Variants in DDX52 observed in about 807,000 individuals in gnomAD.
DDX52 encodes DExD-box helicase 52.
A neutral mutation model predicts 76.1 loss-of-function variants in DDX52; 59 were observed. The observed-to-expected ratio is 0.78, with a 90% CI of 0.63 to 0.96. DDX52 has a LOEUF of 0.96. Ranked by LOEUF, DDX52 falls within the 40% of genes least tolerant of loss-of-function variation. The probability of loss-of-function intolerance (pLI) is 0.00; values close to 1 mark genes in which losing one functional copy is unlikely to be tolerated. For synonymous variants in DDX52, 231 were observed against 244.1 expected, an observed-to-expected ratio of 0.95 and a Z score of 0.50; for missense variants, 707 against 703.9, an observed-to-expected ratio of 1.00 and a Z score of -0.05.
intron 9 of DDX52, chr17:37,624,039 T>C (rs945241192): frequency 1.6e-5 from 3 of 184,014 alleles, no homozygotes; most frequent in Admixed American, 6.1e-5. Context: ...GGGCATCAGA[T>C]AGATCGTTTC....
intron 6 of DDX52, among the ~76,000 whole-genome samples, chr17:37,627,097 C>T (rs115043801): frequency 0.011 from 1,709 of 152,352 alleles, 27 homozygotes; most frequent in African/African-American, 0.039. Flanking sequence ...GTGATCATAG[C>T]TCACTGCATG....
At position 37,618,382 on chromosome 17, in the gene DDX52, T is replaced by C. The variant is rs757647306; in HGVS notation, c.1652A>G (p.Lys551Arg). Residue 551 changes from lysine (K) to arginine (R), a missense_variant and splice_region_variant, in exon 14 of 15, where the codon AAA becomes AGA. Coordinates refer to ENST00000617633, the MANE Select transcript of DDX52 (RefSeq NM_007010.5). ...TTTCTTAATCATCTTTTTCTTTTGT[T>C]TGCTGAAAGTTACAAAGTAAAAAAG... Reference protein sequence around the residue: ...YIKGFQKLLSKQKKKMIKKPL... With the variant: ...YIKGFQKLLSRQKKKMIKKPL... 3.8e-6 allele frequency: 6 copies of C among 1,581,744 alleles called. No homozygotes were observed. Among genetic ancestry groups the C allele is most frequent in the Middle Eastern group, 1.7e-4 (1 of 5,868 alleles).
At chr17:37,617,287 G>A (rs1232237160) in intron 14 of DDX52, among the ~76,000 whole-genome samples, 4 of 152,124 alleles carry the variant, frequency 2.6e-5, no homozygotes, top group Non-Finnish European at 2.9e-5. Flanking sequence ...TAATATCCTA[G>A]GCCATTGATA....
intron 4 of DDX52, chr17:37,631,571 A>C (rs1023868383): frequency 6.4e-6 from 1 of 155,670 alleles, no homozygotes; most frequent in Admixed American, 6.2e-5. Flanking sequence ...TGCATTGCTG[A>C]AACTCACTAA....
chr17:37,620,108 T>C (rs2030006246), intron 12 of DDX52: 1 of 374,834 alleles, frequency 2.7e-6, no homozygotes, highest in East Asian at 4.4e-5. Flanking sequence ...AACTCAATCT[T>C]GGAGGAAGCA....
intron 2 of DDX52, among the ~76,000 whole-genome samples, chr17:37,637,540 G>A (rs530186939): frequency 1.3e-5 from 2 of 152,134 alleles, no homozygotes; most frequent in South Asian, 2.1e-4. Context: ...CATTATAGGT[G>A]AGCCACTGCT....
At position 37,622,291 on chromosome 17, in the gene DDX52, C is replaced by CT. The variant is rs540046714; in HGVS notation, c.1228-772dup. On this transcript the variant is annotated intron_variant, in intron 9 of 14. Transcript: ENST00000617633. ...ACCGTTCATATTAGAGTTTCTTAGC[C>CT]TTTTTTTTTCTTTTTTTTTTGAGAC... Among the ~76,000 whole-genome samples the CT allele has an allele frequency of 6.3e-3, 915 of 144,202 alleles. 4 individuals carry two copies. The highest frequency in any genetic ancestry group is 0.018 in the Middle Eastern group (5 of 274). 94.6% of individuals were successfully genotyped at this position (144,202 alleles called of 152,430 possible).
chr17:37,626,779 C>A lies in DDX52; in HGVS notation c.932+9G>T, dbSNP rs1179095676. 6.2e-7 allele frequency: 1 copy of A among 1,605,074 alleles called. No individual in the cohort carries two copies. Among genetic ancestry groups the A allele is most frequent in the Middle Eastern group, 1.7e-4 (1 of 6,006 alleles). On this transcript the variant is annotated intron_variant, in intron 7 of 14. Coordinates refer to ENST00000617633, the MANE Select transcript of DDX52 (RefSeq NM_007010.5). ...ATACACACGAAAGACATGAAAATAT[C>A]ATCTATACCTTGCTAGGTCGATTCC...
Position 37,611,301 on chromosome 17 carries a change from C to T in DDX52, c.*2995G>A, listed in dbSNP as rs918611457. ...CTGATGATCCTGACCTTTTGTATGC[C>T]TAGCATAATGTGTGTGTTTGTGCCA... On this transcript the variant is annotated 3_prime_UTR_variant, in exon 15 of 15. Coordinates refer to ENST00000617633, the MANE Select transcript of DDX52 (RefSeq NM_007010.5). 2 of 151,944 alleles carry T rather than the reference C, an allele frequency of 1.3e-5. No individual in the cohort carries two copies. The highest frequency in any genetic ancestry group is 2.9e-5 in the Non-Finnish European group (2 of 68,004). 9.4% of individuals were successfully genotyped at this position (151,944 alleles called of 1,614,324 possible).
intron 5 of DDX52, among the ~76,000 whole-genome samples, chr17:37,629,690 T>G (rs976363414): frequency 6.6e-6 from 1 of 151,920 alleles, no homozygotes; most frequent in African/African-American, 2.4e-5. Context: ...AACAAATAAA[T>G]AAATAAAAAC....
intron 6 of DDX52, among the ~76,000 whole-genome samples, chr17:37,627,691 A>G (rs1480547743): frequency 2.7e-5 from 4 of 149,296 alleles, no homozygotes; most frequent in Non-Finnish European, 5.9e-5. Context: ...CCAAGTGGAC[A>G]ATGTCAAAAA....
intron 4 of DDX52, 56 bp from the exon 5 acceptor site, chr17:37,630,229 C>G (rs971472275): frequency 4.5e-5 from 66 of 1,472,284 alleles, no homozygotes; most frequent in Non-Finnish European, 5.6e-5. Flanking sequence ...TTTTTCAGAG[C>G]CTGGTCAAAT....
chr17:37,643,170 C>G (rs2031278971), intron 1 of DDX52, 164 bp downstream of exon 1: 1 of 635,212 alleles, frequency 1.6e-6, no homozygotes, highest in Non-Finnish European at 2.7e-6. Context: ...TTGAACCGAG[C>G]AGCCGTGCAG....
intron 2 of DDX52, among the ~76,000 whole-genome samples, chr17:37,637,987 T>A (rs1204995085): frequency 6.6e-6 from 1 of 152,214 alleles, no homozygotes; most frequent in Non-Finnish European, 1.5e-5. Flanking sequence ...TCAAAAGAAA[T>A]TTTAAACAAG....
intron 14 of DDX52, among the ~76,000 whole-genome samples, chr17:37,616,122 A>C (rs1281608081): frequency 1.3e-5 from 2 of 152,184 alleles, no homozygotes; most frequent in Admixed American, 6.5e-5. Flanking sequence ...CCTTTGTAAA[A>C]ACTTTCATCA....
chr17:37,633,318 G>T lies in DDX52; in HGVS notation c.387C>A (p.Ser129=). ...CTTTTCTGAGATTCTCCAACTTTCC[G>T]GAAGTTAGTTTACTTTCTCTCTGAA... The part of the protein sequence containing the change: ...KKVQRESKLT[S]GKLENLRKEK... Residue 129 remains serine (S), a synonymous_variant, in exon 3 of 15, where the codon TCC becomes TCA. Coordinates refer to ENST00000617633, the MANE Select transcript of DDX52 (RefSeq NM_007010.5). The T allele has an allele frequency of 6.2e-7, 1 of 1,608,326 alleles. No individual in the cohort carries two copies. The highest frequency in any genetic ancestry group is 8.5e-7 in the Non-Finnish European group (1 of 1,177,886).
At chr17:37,626,263 TG>T (rs2030369570) in intron 7 of DDX52, among the ~76,000 whole-genome samples, 165 bp from the exon 8 acceptor site, 1 of 151,582 alleles carries the variant, frequency 6.6e-6, no homozygotes, top group African/African-American at 2.4e-5. Flanking sequence ...GCAGGTGTCA[TG>T]GTTTGGCTGT....
At position 37,610,551 on chromosome 17, in the gene DDX52, C is replaced by T. The variant is rs186444512; in HGVS notation, c.*3745G>A. On this transcript the variant is annotated 3_prime_UTR_variant, in exon 15 of 15. Coordinates refer to ENST00000617633, the MANE Select transcript of DDX52 (RefSeq NM_007010.5). ...GATTAATTAGCTTTACGTTTTCACT[C>T]TTGTCTCAAGGTTTTTACTGGGTAA... The T allele has an allele frequency of 1.3e-5, 2 of 152,060 alleles. No homozygotes were observed. Among genetic ancestry groups the T allele is most frequent in the East Asian group, 3.9e-4 (2 of 5,188 alleles). 9.4% of individuals were successfully genotyped at this position (152,060 alleles called of 1,614,324 possible). A position where few individuals can be genotyped will look rare whatever the true frequency, so the allele number is the denominator to read the frequency against.
intron 2 of DDX52, 99 bp downstream of exon 2, chr17:37,642,011 C>T: frequency 1.4e-6 from 2 of 1,472,398 alleles, no homozygotes; most frequent in South Asian, 1.2e-5. Context: ...CATCAGCTGA[C>T]AAATGACCTT....
Sources: gnomAD v4.1 joint callset for allele counts (sites outside exome capture counted in the v4.1 genomes callset) on GRCh38, gnomAD v4.1.1 for gene constraint, MANE v1.5 for transcripts, NCBI Gene and HGNC (gene_info 2026-07-23, HGNC 2026-07-21) for gene names.